Variants in KIF17 observed in about 807,000 individuals in gnomAD.
The protein encoded by KIF17 is kinesin-like protein KIF17.
In KIF17, 80 loss-of-function variants were observed where a neutral mutation model predicts 96.8. The observed-to-expected ratio is 0.83, with a 90% CI of 0.69 to 1.00. The LOEUF is 1.00. KIF17 is among the 50% of genes least tolerant of loss of function. The probability of loss-of-function intolerance (pLI) is 0.00; values close to 1 mark genes in which losing one functional copy is unlikely to be tolerated. For missense variants in KIF17, 1,280 were observed against 1,372.9 expected, an observed-to-expected ratio of 0.93 and a Z score of 1.07; for synonymous variants, 567 against 587.5, an observed-to-expected ratio of 0.97 and a Z score of 0.51.
rs542072738 is a variant in KIF17 at position 20,687,106 on chromosome 1, C to A, written c.1938+282G>T. Among the ~76,000 whole-genome samples, 1 of 152,280 alleles carries A rather than the reference C, an allele frequency of 6.6e-6. No homozygotes were observed. The highest frequency in any genetic ancestry group is 1.9e-4 in the East Asian group (1 of 5,160). On this transcript the variant is annotated intron_variant, in intron 8 of 14. Transcript: ENST00000400463. This position sits in a 1 kb window ranked among gnomAD's most constrained non-coding sequence, Gnocchi z 4.4. ...TGGGCAAACGCCCTGTACAGCTGTC[C>A]CTCCATCTGCAGAACGGGAGCCCAC...
intron 5 of KIF17, among the ~76,000 whole-genome samples, chr1:20,703,623 G>A (rs886852870): frequency 1.3e-5 from 2 of 151,962 alleles, no homozygotes; most frequent in Non-Finnish European, 2.9e-5. Context: ...TGGAAGAAAA[G>A]GTGGGTGGAT....
At chr1:20,678,110 C>T (rs905100170) in intron 11 of KIF17, among the ~76,000 whole-genome samples, 1 of 152,132 alleles carries the variant, frequency 6.6e-6, no homozygotes, top group Non-Finnish European at 1.5e-5. Context: ...ATGGCTGGGG[C>T]GGCCTCACAA....
chr1:20,709,391 A>T lies in KIF17; in HGVS notation c.670+248T>A, dbSNP rs979310221. 6.6e-6 allele frequency among the ~76,000 whole-genome samples: 1 copy of T among 152,104 alleles called. No individual in the cohort carries two copies. The highest frequency in any genetic ancestry group is 2.4e-5 in the African/African-American group (1 of 41,420). Reference sequence around the variant, plus strand: ...GACACTTTGTCTCAAAAAACAAATAAATAAATAAAAATTGTCTGGCACACA... The same window carrying T: ...GACACTTTGTCTCAAAAAACAAATATATAAATAAAAATTGTCTGGCACACA... On this transcript the variant is annotated intron_variant, in intron 4 of 14. Coordinates refer to ENST00000400463, the MANE Select transcript of KIF17 (RefSeq NM_001122819.3). The surrounding 1 kb of genome is among the most constrained non-coding windows in gnomAD (Gnocchi z 4.7).
chr1:20,701,385 C>T (rs12738093), intron 5 of KIF17, among the ~76,000 whole-genome samples: 3,898 of 152,110 alleles, frequency 0.026, 93 homozygotes, highest in Non-Finnish European at 0.034. Context: ...GAGCGGAGAT[C>T]GCGCCACTGC....
In KIF17 at chr1:20,687,085, CA is replaced by C. The variant is rs966677820; in HGVS notation, c.1938+302del. Among the ~76,000 whole-genome samples the C allele has an allele frequency of 2.6e-5, 4 of 152,326 alleles. No individual in the cohort carries two copies. The highest frequency in any genetic ancestry group is 7.2e-5 in the African/African-American group (3 of 41,580). ...ACTCACTGTAACCATGGCAACTGGG[CA>C]AACGCCCTGTACAGCTGTCCCTCCA... On this transcript the variant is annotated intron_variant, in intron 8 of 14. Transcript: ENST00000400463. The surrounding 1 kb of genome is among the most constrained non-coding windows in gnomAD (Gnocchi z 4.4).
At position 20,699,522 on chromosome 1, in the gene KIF17, C is replaced by T. The variant is rs150064175; in HGVS notation, c.1124-1034G>A. Among the ~76,000 whole-genome samples the T allele has an allele frequency of 2.2e-3, 328 of 152,248 alleles. 2 individuals carry two copies. The highest frequency in any genetic ancestry group is 7.7e-3 in the African/African-American group (319 of 41,550). ...CGGAGGTTGCAGTGAGCTGAGATGGCGCCACTGCACTCCAGCCTGGGCGAA... is the reference window on the plus strand; with the variant it reads ...CGGAGGTTGCAGTGAGCTGAGATGGTGCCACTGCACTCCAGCCTGGGCGAA... On this transcript the variant is annotated intron_variant, in intron 5 of 14. Transcript: ENST00000400463. The surrounding 1 kb of genome is among the most constrained non-coding windows in gnomAD (Gnocchi z 4.3).
chr1:20,694,477 T>C (rs1324913137), intron 6 of KIF17, among the ~76,000 whole-genome samples: 3 of 152,160 alleles, frequency 2.0e-5, no homozygotes, highest in African/African-American at 7.2e-5. Flanking sequence ...CATTTATGAA[T>C]TAAAGATAGT....
chr1:20,673,034 G>A lies in KIF17; in HGVS notation c.2464-838C>T, dbSNP rs1453672753. 5 of 152,272 alleles carry A rather than the reference G, an allele frequency of 3.3e-5. No homozygotes were observed. In the East Asian group the frequency reaches 9.7e-4, roughly 29 times the overall value. The allele number at this position is 152,272 out of a possible 1,614,324, so 9.4% of individuals were successfully genotyped here. A position where few individuals can be genotyped will look rare whatever the true frequency, so the allele number is the denominator to read the frequency against. On this transcript the variant is annotated intron_variant, in intron 11 of 14. Transcript: ENST00000400463. The stretch of plus-strand genomic sequence containing the variant: ...GAGGTCAGGAGTTTGAAACCAGCCT[G>A]GCCAACATGGTGAAACCCCATCTCT...
intron 6 of KIF17, among the ~76,000 whole-genome samples, chr1:20,694,643 A>G (rs1330764720): frequency 6.6e-6 from 1 of 152,244 alleles, no homozygotes; most frequent in Non-Finnish European, 1.5e-5. Context: ...TGGCATGGAC[A>G]GCACTGATTT....
chr1:20,674,074 G>A (rs1331302400), intron 11 of KIF17, among the ~76,000 whole-genome samples: 8 of 151,860 alleles, frequency 5.3e-5, no homozygotes. Flanking sequence ...GACTACAGGT[G>A]TGAGCCACCA....
At chr1:20,703,165 A>AGATGGATGGATGAATG (rs1553151966) in intron 5 of KIF17, among the ~76,000 whole-genome samples, 11 of 86,742 alleles carry the variant, frequency 1.3e-4, no homozygotes, top group Non-Finnish European at 2.2e-4. Context: ...GGAAGGATGG[A>AGATGGATGGATGAATG]GATGGATGGA....
At chr1:20,705,891 CTCTTTTTTTTTT>C (rs1285897950) in intron 4 of KIF17, among the ~76,000 whole-genome samples, 1 of 88,804 alleles carries the variant, frequency 1.1e-5, no homozygotes, top group African/African-American at 3.9e-5. Flanking sequence ...AGTAGGATGT[CTCTTTTTTTTTT>C]TTTTTTTTTT....
Position 20,687,681 on chromosome 1 carries a change from C to A in KIF17, c.1645G>T (p.Val549Leu), listed in dbSNP as rs755778084. ...SESSSLEETS[V>L]SEAFPGPEEP... ...TCAGGCCCAGGGAAAGCCTCGGACA[C>A]AGAGGTTTCTTCGAGCGAGGATGAC... The change falls in exon 8 of 15, where the codon GTG becomes TTG. Residue 549 changes from valine to leucine, a missense_variant. Physicochemically the swap from Val to Leu is conservative, Grantham distance 32. Coordinates refer to ENST00000400463, the MANE Select transcript of KIF17 (RefSeq NM_001122819.3). The surrounding 1 kb of genome is among the most constrained non-coding windows in gnomAD (Gnocchi z 4.4). The A allele has an allele frequency of 6.2e-7, 1 of 1,614,220 alleles. No individual in the cohort carries two copies. Among genetic ancestry groups the A allele is most frequent in the Admixed American group, 1.7e-5 (1 of 60,026 alleles).
At chr1:20,684,667 G>T (rs752829076) in intron 10 of KIF17, 142 bp downstream of exon 10, 9 of 795,408 alleles carry the variant, frequency 1.1e-5, no homozygotes, top group Admixed American at 2.1e-5. Flanking sequence ...TCCCCACTGC[G>T]CCTGGAGAGA....
chr1:20,668,288 T>C (rs1181844120), intron 13 of KIF17, among the ~76,000 whole-genome samples: 4 of 149,708 alleles, frequency 2.7e-5, no homozygotes, highest in South Asian at 2.1e-4. Flanking sequence ...CCAGCCTGGG[T>C]AACAGAGCAA....
At chr1:20,692,169 T>C (rs941215049) in intron 6 of KIF17, among the ~76,000 whole-genome samples, 11 of 152,112 alleles carry the variant, frequency 7.2e-5, no homozygotes, top group African/African-American at 1.4e-4. Flanking sequence ...TGATGCACAT[T>C]TGGGGACTCC....
At chr1:20,664,866 C>A in intron 14 of KIF17, 104 bp from the exon 15 acceptor site, 1 of 1,073,836 alleles carries the variant, frequency 9.3e-7, no homozygotes, top group Non-Finnish European at 1.4e-6. Flanking sequence ...CCACTCCCGC[C>A]CCCCTGCCCA....
At chr1:20,710,739 G>A (rs1232746833) in intron 3 of KIF17, among the ~76,000 whole-genome samples, 2 of 152,152 alleles carry the variant, frequency 1.3e-5, no homozygotes, top group Non-Finnish European at 2.9e-5. Flanking sequence ...TGGGGGTCGG[G>A]GCGAGGCACA....
intron 2 of KIF17, among the ~76,000 whole-genome samples, chr1:20,714,524 C>T (rs1025613573): frequency 3.3e-5 from 5 of 151,072 alleles, no homozygotes; most frequent in East Asian, 2.0e-4. Context: ...AGAAAAAGTG[C>T]GGTGGCTGAC....
Sources: allele counts gnomAD v4.1 joint callset (sites outside exome capture counted in the v4.1 genomes callset), GRCh38; gene constraint gnomAD v4.1.1; non-coding constraint Gnocchi (gnomAD v3.1); transcripts MANE v1.5; gene names NCBI Gene and HGNC (gene_info 2026-07-23, HGNC 2026-07-21).